The following EPHA3 variants were observed in gnomAD, a reference collection of about 807,000 sequenced individuals.
EPHA3 encodes the protein ephrin type-A receptor 3.
In EPHA3, 42 loss-of-function variants were observed where a neutral mutation model predicts 107.1. The observed-to-expected ratio is 0.39, with a 90% CI of 0.31 to 0.51. The LOEUF is 0.51. Ranked by LOEUF, EPHA3 falls within the 20% of genes least tolerant of loss-of-function variation. EPHA3 has a pLI of 0.78. For missense variants in EPHA3, 1,183 were observed against 1,211.2 expected (o/e 0.98, Z 0.35); for synonymous variants, 461 against 424.8 (o/e 1.09, Z -1.05).
intron 3 of EPHA3, among the ~76,000 whole-genome samples, chr3:89,328,517 A>G (rs917582475): frequency 2.0e-5 from 3 of 152,204 alleles, no homozygotes; most frequent in Non-Finnish European, 2.9e-5. Context: ...CTATCTTCAT[A>G]GTCACCCTTC....
intron 5 of EPHA3, among the ~76,000 whole-genome samples, chr3:89,353,712 G>A (rs6809693): frequency 0.017 from 2,585 of 151,340 alleles, 96 homozygotes; most frequent in African/African-American, 0.055. Flanking sequence ...GGCACATTGC[G>A]TAACTGTAGA....
chr3:89,413,821 ATTAAT>A (rs1476998131), intron 10 of EPHA3, among the ~76,000 whole-genome samples: 4 of 151,712 alleles, frequency 2.6e-5, no homozygotes, highest in Non-Finnish European at 5.9e-5. Context: ...TGTTCTAATT[ATTAAT>A]TTAAACAATG....
At chr3:89,235,005 C>A (rs901119292) in intron 3 of EPHA3, among the ~76,000 whole-genome samples, 6 of 131,698 alleles carry the variant, frequency 4.6e-5, no homozygotes, top group Non-Finnish European at 6.3e-5. Context: ...TTTCTCTTTT[C>A]TTTTCTTTTC....
intron 3 of EPHA3, among the ~76,000 whole-genome samples, chr3:89,280,090 G>A (rs149033215): frequency 6.0e-5 from 9 of 150,966 alleles, no homozygotes; most frequent in Middle Eastern, 3.4e-3. Context: ...ATGGGAACAC[G>A]GTATAATATT....
intron 7 of EPHA3, among the ~76,000 whole-genome samples, chr3:89,406,367 A>G (rs1709054268): frequency 6.6e-6 from 1 of 152,182 alleles, no homozygotes; most frequent in Admixed American, 6.5e-5. Flanking sequence ...TGTGAACATT[A>G]AAGTTTGAGA....
intron 14 of EPHA3, 140 bp from the exon 15 acceptor site, chr3:89,450,037 C>A (rs1269246392): frequency 1.7e-6 from 1 of 587,868 alleles, no homozygotes; most frequent in Non-Finnish European, 2.9e-6. Context: ...CAGTTGTTAT[C>A]CTTTTAGGCA....
intron 2 of EPHA3, among the ~76,000 whole-genome samples, chr3:89,154,884 A>AC: frequency 6.8e-6 from 1 of 147,894 alleles, no homozygotes; most frequent in Non-Finnish European, 1.5e-5. Context: ...ATATATATAA[A>AC]ATATATATTA....
chr3:89,109,459 A>C (rs531382032), intron 1 of EPHA3, among the ~76,000 whole-genome samples: 1 of 152,014 alleles, frequency 6.6e-6, no homozygotes. Context: ...CCACATTGTC[A>C]TGATAAATTA....
chr3:89,207,155 A>G (rs1706124731), intron 2 of EPHA3, among the ~76,000 whole-genome samples: 1 of 152,202 alleles, frequency 6.6e-6, no homozygotes, highest in East Asian at 1.9e-4. Flanking sequence ...TTAAGAATTT[A>G]GTATAAAAAA....
Position 89,399,421 on chromosome 3 carries a change from G to T in EPHA3, c.1535G>T (p.Arg512Leu). ...ATATACGTATTCCAAATCCGAGCCC[G>T]AACAGCCGCTGGATATGGGACGAAC... The part of the protein sequence containing the change: ...DTIYVFQIRA[R>L]TAAGYGTNSR... Residue 512 changes from arginine (R) to leucine (L), a missense_variant, in exon 7 of 17, where the codon CGA becomes CTA. Physicochemically the swap from Arg to Leu is moderately radical, Grantham distance 102 (BLOSUM62 -2). Coordinates refer to ENST00000336596, the MANE Select transcript of EPHA3 (RefSeq NM_005233.6). 1 of 1,614,022 alleles carries T rather than the reference G, an allele frequency of 6.2e-7. No homozygotes were observed. Among genetic ancestry groups the T allele is most frequent in the Non-Finnish European group, 8.5e-7 (1 of 1,179,994 alleles).
At chr3:89,395,081 C>T (rs1708820683) in intron 5 of EPHA3, among the ~76,000 whole-genome samples, 1 of 152,146 alleles carries the variant, frequency 6.6e-6, no homozygotes, top group African/African-American at 2.4e-5. Context: ...GGTTTTTATT[C>T]ATATTCCATA....
At chr3:89,322,594 A>T (rs1707069861) in intron 3 of EPHA3, among the ~76,000 whole-genome samples, 1 of 152,106 alleles carries the variant, frequency 6.6e-6, no homozygotes, top group Non-Finnish European at 1.5e-5. Flanking sequence ...CCAGGTTTGG[A>T]AGTGTTTGCT....
In EPHA3 at chr3:89,399,408, C is replaced by A. The variant is rs1381500170; in HGVS notation, c.1522C>A (p.Gln508Lys). 1 of 1,613,916 alleles carries A rather than the reference C, an allele frequency of 6.2e-7. No individual in the cohort carries two copies. Among genetic ancestry groups the A allele is most frequent in the Non-Finnish European group, 8.5e-7 (1 of 1,180,022 alleles). The change falls in exon 7 of 17, where the codon CAA becomes AAA. Residue 508 changes from glutamine (Q) to lysine (K), a missense_variant. Coordinates refer to ENST00000336596, the MANE Select transcript of EPHA3 (RefSeq NM_005233.6). ...SLKPDTIYVF[Q>K]IRARTAAGYG... is the part of the protein sequence containing the mutation. The stretch of plus-strand genomic sequence containing the variant: ...CAAGCCTGACACTATATACGTATTC[C>A]AAATCCGAGCCCGAACAGCCGCTGG...
At chr3:89,477,255 C>T (rs1710534802) in intron 16 of EPHA3, among the ~76,000 whole-genome samples, 1 of 152,098 alleles carries the variant, frequency 6.6e-6, no homozygotes, top group Non-Finnish European at 1.5e-5. Flanking sequence ...CCTCACATTC[C>T]CATACATCCC....
At chr3:89,173,028 A>T (rs1705241929) in intron 2 of EPHA3, among the ~76,000 whole-genome samples, 1 of 152,180 alleles carries the variant, frequency 6.6e-6, no homozygotes, top group African/African-American at 2.4e-5. Flanking sequence ...ATATTATAAC[A>T]AGTACAGTAT....
intron 5 of EPHA3, among the ~76,000 whole-genome samples, chr3:89,372,741 G>T (rs899194456): frequency 1.3e-5 from 2 of 151,680 alleles, no homozygotes; most frequent in African/African-American, 2.4e-5. Context: ...ACAGACTGTG[G>T]TTAACATTAT....
chr3:89,208,464 A>AAGAAAGAAAGAAAG (rs1559600894), intron 2 of EPHA3, among the ~76,000 whole-genome samples: 3 of 146,486 alleles, frequency 2.0e-5, no homozygotes, highest in African/African-American at 7.7e-5. Context: ...GAAAGAAAGA[A>AAGAAAGAAAGAAAG]AGAAAGAAAG....
intron 7 of EPHA3, among the ~76,000 whole-genome samples, chr3:89,406,945 C>CAA (rs1709066836): frequency 6.6e-6 from 1 of 152,108 alleles, no homozygotes; most frequent in Non-Finnish European, 1.5e-5. Flanking sequence ...CTGGTTCATT[C>CAA]AACGAGTTTT....
chr3:89,232,822 A>T lies in EPHA3; in HGVS notation c.814+22302A>T, dbSNP rs112927661. 6.1e-3 allele frequency among the ~76,000 whole-genome samples: 934 copies of T among 152,286 alleles called. 10 individuals are homozygous for T. The highest frequency in any genetic ancestry group is 0.021 in the African/African-American group (891 of 41,566). ...ACTCTAAGCTAGAAGAGACTTAGCTATTTGCCTATCATTCATTGAGGTCAT... is the reference window on the plus strand; with the variant it reads ...ACTCTAAGCTAGAAGAGACTTAGCTTTTTGCCTATCATTCATTGAGGTCAT... On this transcript the variant is annotated intron_variant, in intron 3 of 16. Transcript: ENST00000336596.
Sources: gnomAD v4.1 joint callset for allele counts (sites outside exome capture counted in the v4.1 genomes callset) on GRCh38, gnomAD v4.1.1 for gene constraint, MANE v1.5 for transcripts, NCBI Gene and HGNC (gene_info 2026-07-23, HGNC 2026-07-21) for gene names.